Variants in ZSCAN5B observed in about 807,000 individuals in gnomAD.
The protein encoded by ZSCAN5B is zinc finger and SCAN domain containing 5B, also known as zinc finger and SCAN domain-containing protein 5B.
ZSCAN5B carries 26 observed loss-of-function variants against 25.2 expected under a neutral mutation model. The ratio of observed to expected loss-of-function variants is 1.03; its 90% confidence interval spans 0.76 to 1.43. ZSCAN5B has a LOEUF of 1.43. Ranked by LOEUF, ZSCAN5B falls within the 40% of genes most tolerant of loss-of-function variation. ZSCAN5B has a pLI of 0.00. For synonymous variants in ZSCAN5B, 244 were observed against 240.9 expected, an observed-to-expected ratio of 1.01 and a Z score of -0.12; for missense variants, 745 against 622.1, an observed-to-expected ratio of 1.20 and a Z score of -2.10.
exon 5 of ZSCAN5B, chr19:56,189,735 A>T: frequency 6.9e-7 from 1 of 1,439,238 alleles, no homozygotes; most frequent in Non-Finnish European, 9.3e-7. Context: ...ATTCCTACCA[A>T]GTGCTTTATG....
At chr19:56,190,017 T>C (rs1409476576) in exon 5 of ZSCAN5B, 2 of 1,613,984 alleles carry the variant, frequency 1.2e-6, no homozygotes, top group Non-Finnish European at 8.5e-7. Context: ...CTCCCCGGTG[T>C]GGATCCTCTT....
intron 1 of ZSCAN5B, among the ~76,000 whole-genome samples, chr19:56,197,002 G>A (rs1040403360): frequency 4.6e-5 from 7 of 152,042 alleles, no homozygotes; most frequent in South Asian, 2.1e-4. Context: ...GCACTCGGGC[G>A]GTGTGGTGGT....
intron 1 of ZSCAN5B, among the ~76,000 whole-genome samples, chr19:56,196,141 T>C (rs1345880722): frequency 6.6e-6 from 1 of 152,162 alleles, no homozygotes; most frequent in Non-Finnish European, 1.5e-5. Context: ...CACCTCTGCC[T>C]CCCGGGTTCA....
chr19:56,191,837 C>T lies in ZSCAN5B; in HGVS notation c.588+13G>A. On this transcript the variant is annotated intron_variant, in intron 3 of 4. Coordinates refer to ENST00000586855, the Ensembl canonical transcript of ZSCAN5B. ...CCCACCTCTGCCCAGACACCAAGGCCTCACACACTCACCTGCCTCCTGGAC... is the reference window on the plus strand; with the variant it reads ...CCCACCTCTGCCCAGACACCAAGGCTTCACACACTCACCTGCCTCCTGGAC... The T allele has an allele frequency of 5.0e-6, 8 of 1,613,174 alleles. No individual in the cohort carries two copies. Among genetic ancestry groups the T allele is most frequent in the Non-Finnish European group, 6.8e-6 (8 of 1,179,336 alleles).
chr19:56,192,593 A>C, intron 2 of ZSCAN5B, 76 bp downstream of exon 2: 2 of 1,534,272 alleles, frequency 1.3e-6, no homozygotes, highest in Non-Finnish European at 8.8e-7. Context: ...AGCTGTGCTG[A>C]TATTTGAGAC....
At chr19:56,197,683 C>A in intron 1 of ZSCAN5B, 51 bp downstream of exon 1, 3 of 952,416 alleles carry the variant, frequency 3.1e-6, no homozygotes, top group South Asian at 4.8e-5. Flanking sequence ...TGAAACCAAC[C>A]CCCCGCATGC....
intron 1 of ZSCAN5B, among the ~76,000 whole-genome samples, chr19:56,197,465 TG>T (rs2122211285): frequency 6.6e-6 from 1 of 152,286 alleles, no homozygotes; most frequent in East Asian, 1.9e-4. Context: ...CTTGAACTCC[TG>T]ATCCCGTGAT....
At chr19:56,193,263 G>T (rs1321232309) in intron 1 of ZSCAN5B, 84 bp from the exon 2 acceptor site, 4 of 559,530 alleles carry the variant, frequency 7.1e-6, no homozygotes, top group Non-Finnish European at 1.2e-5. Flanking sequence ...CCCAATCCTG[G>T]ACCCCACTTG....
intron 1 of ZSCAN5B, 72 bp from the exon 2 acceptor site, chr19:56,193,251 A>C: frequency 6.7e-6 from 4 of 600,032 alleles, no homozygotes; most frequent in Non-Finnish European, 8.3e-6. Flanking sequence ...CAAATCCCTC[A>C]TCCCAATCCT....
chr19:56,196,714 G>C (rs1245719349), intron 1 of ZSCAN5B, among the ~76,000 whole-genome samples: 1 of 152,218 alleles, frequency 6.6e-6, no homozygotes, highest in Non-Finnish European at 1.5e-5. Context: ...AGTGAACCGC[G>C]ATTGTGCCAC....
chr19:56,189,911 T>C lies in ZSCAN5B; in HGVS notation c.1404A>G (p.Lys468=), dbSNP rs772921867. Residue 468 remains lysine, a synonymous_variant, in exon 5 of 5, where the codon AAA becomes AAG. Coordinates refer to ENST00000586855, the Ensembl canonical transcript of ZSCAN5B. ...GGAAGGCCTTTTGACAGGTGGGACA[T>C]TTGTAGGGCTTCTCTCCGGAGTGGG... The C allele has an allele frequency of 3.7e-6, 6 of 1,613,856 alleles. No homozygotes were observed. In the Admixed American group the frequency reaches 6.7e-5, roughly 18 times the overall value.
In ZSCAN5B at chr19:56,190,080, A is replaced by G. The variant is rs201854779; in HGVS notation, c.1235T>C (p.Met412Thr). 167 of 1,613,980 alleles carry G rather than the reference A, an allele frequency of 1.0e-4. 1 individual carries two copies. The East Asian group carries it at 3.7e-3, about 36-fold the overall frequency. ...GAACCGCTTTTGGCAGACGTCACAC[A>G]TGTAGGGCCTCTCGCCAGTGTGGAC... Residue 412 changes from methionine (M) to threonine (T), a missense_variant, in exon 5 of 5, where the codon ATG becomes ACG. Transcript: ENST00000586855.
At chr19:56,191,507 G>T (rs987578930) in intron 3 of ZSCAN5B, among the ~76,000 whole-genome samples, 2 of 152,162 alleles carry the variant, frequency 1.3e-5, no homozygotes, top group Non-Finnish European at 2.9e-5. Context: ...TGAGAAAGTG[G>T]GTTCCTTGCT....
exon 5 of ZSCAN5B, chr19:56,190,063 T>C: frequency 1.2e-6 from 2 of 1,613,970 alleles, no homozygotes; most frequent in South Asian, 2.2e-5. Context: ...GCGAACCGCT[T>C]TTGGCAGACG....
At chr19:56,192,544 T>G (rs929245585) in intron 2 of ZSCAN5B, 125 bp downstream of exon 2, 1 of 1,471,272 alleles carries the variant, frequency 6.8e-7, no homozygotes, top group Non-Finnish European at 9.1e-7. Context: ...CTGTATCCCC[T>G]CTGCCTGTCC....
chr19:56,197,734 C>G (rs2032828555), exon 1 of ZSCAN5B: 1 of 985,274 alleles, frequency 1.0e-6, no homozygotes, highest in African/African-American at 1.7e-5. Flanking sequence ...GGACACTCAC[C>G]TCCTTCCCGG....
At chr19:56,193,942 G>A (rs976816975) in intron 1 of ZSCAN5B, among the ~76,000 whole-genome samples, 1 of 133,958 alleles carries the variant, frequency 7.5e-6, no homozygotes, top group Non-Finnish European at 1.6e-5. Flanking sequence ...GGGTGACAGA[G>A]TAAGACTCCA....
In ZSCAN5B at chr19:56,197,532, G is replaced by A. The variant is rs192113910; in HGVS notation, c.-128+202C>T. On this transcript the variant is annotated intron_variant, in intron 1 of 4. Transcript: ENST00000586855. ...ATTACAGGCGTGCGCCACTGGGCCC[G>A]ACCGAGAAAGTTAATATTATTCCTA... 1.8e-3 allele frequency among the ~76,000 whole-genome samples: 273 copies of A among 152,222 alleles called. 2 individuals are homozygous for A. The highest frequency in any genetic ancestry group is 5.3e-4 in the Non-Finnish European group (36 of 68,014).
At chr19:56,194,056 A>T (rs914868108) in intron 1 of ZSCAN5B, among the ~76,000 whole-genome samples, 2 of 152,152 alleles carry the variant, frequency 1.3e-5, no homozygotes, top group African/African-American at 2.4e-5. Flanking sequence ...ACTTTTACTA[A>T]GAACATGCGC....
Sources: allele counts gnomAD v4.1 joint callset (sites outside exome capture counted in the v4.1 genomes callset), GRCh38; gene constraint gnomAD v4.1.1; transcripts MANE v1.5; gene names NCBI Gene and HGNC (gene_info 2026-07-23, HGNC 2026-07-21).